RNF103: variants seen among roughly 807,000 people sequenced by gnomAD.
RNF103 encodes E3 ubiquitin-protein ligase RNF103.
RNF103 carries 23 observed loss-of-function variants against 66.2 expected under a neutral mutation model. That is an observed-to-expected ratio of 0.35 (90% CI 0.25 to 0.49). The LOEUF is 0.49. Among genes scored for constraint, RNF103 ranks in the 20% least tolerant of loss-of-function variants. The probability of loss-of-function intolerance (pLI) is 0.98; values close to 1 mark genes in which losing one functional copy is unlikely to be tolerated. For missense variants in RNF103, 730 were observed against 814.7 expected (o/e 0.90, Z 1.27); for synonymous variants, 297 against 289.9 (o/e 1.02, Z -0.25).
Position 86,605,081 on chromosome 2 carries a change from T to C in RNF103, c.820A>G (p.Lys274Glu). The C allele has an allele frequency of 6.2e-7, 1 of 1,613,912 alleles. No homozygotes were observed. The highest frequency in any genetic ancestry group is 8.5e-7 in the Non-Finnish European group (1 of 1,179,958). ...IFVNVENWDNKSYMTDIGIYN... is the reference protein window; with the variant it reads ...IFVNVENWDNESYMTDIGIYN... ...ATGCCAATATCTGTCATATAACTCT[T>C]GTTGTCCCAATTTTCTACATTAACA... The change falls in exon 4 of 4, where the codon AAG becomes GAG. Residue 274 changes from lysine to glutamate, a missense_variant. This residue lies in a region of RNF103 where 327 missense variants were observed against 369.8 expected (regional missense o/e 0.88). Coordinates refer to ENST00000237455, the MANE Select transcript of RNF103 (RefSeq NM_005667.4).
chr2:86,623,774 C>G lies in RNF103; in HGVS notation c.-888G>C. Reference sequence around the variant, plus strand: ...GATGGGCAGTGCCGGTCGCAGCACCCGTCCCCAACACCCCCGCCACCTCCG... The same window carrying G: ...GATGGGCAGTGCCGGTCGCAGCACCGGTCCCCAACACCCCCGCCACCTCCG... On this transcript the variant is annotated 5_prime_UTR_variant, in exon 1 of 4. Transcript: ENST00000237455. 7.8e-7 allele frequency: 1 copy of G among 1,282,932 alleles called. No homozygotes were observed. The highest frequency in any genetic ancestry group is 1.0e-6 in the Non-Finnish European group (1 of 986,424). 79.5% of individuals were successfully genotyped at this position (1,282,932 alleles called of 1,614,324 possible). A position where few individuals can be genotyped will look rare whatever the true frequency, so the allele number is the denominator to read the frequency against.
intron 2 of RNF103, among the ~76,000 whole-genome samples, chr2:86,619,115 T>A (rs550457604): frequency 7.2e-4 from 109 of 152,292 alleles, no homozygotes; most frequent in African/African-American, 2.5e-3. Context: ...TACCATTTTA[T>A]CCTTTTTAGA....
At chr2:86,607,545 T>C (rs1391455504) in intron 3 of RNF103, among the ~76,000 whole-genome samples, 1 of 152,244 alleles carries the variant, frequency 6.6e-6, no homozygotes, top group African/African-American at 2.4e-5. Context: ...ATTCCATTAA[T>C]ATCATTACTG....
intron 1 of RNF103, among the ~76,000 whole-genome samples, chr2:86,621,596 C>T (rs1679229989): frequency 6.6e-6 from 1 of 152,148 alleles, no homozygotes; most frequent in Admixed American, 6.5e-5. Flanking sequence ...AGTTTTATAA[C>T]CCGCAACCTA....
chr2:86,617,387 A>G, intron 2 of RNF103: 1 of 726,580 alleles, frequency 1.4e-6, no homozygotes, highest in Non-Finnish European at 1.7e-6. Context: ...AATACTACAT[A>G]CAATTAGATA....
At chr2:86,622,497 G>A (rs1356786088) in intron 1 of RNF103, among the ~76,000 whole-genome samples, 164 bp downstream of exon 1, 2 of 152,178 alleles carry the variant, frequency 1.3e-5, no homozygotes, top group Non-Finnish European at 2.9e-5. Context: ...CCTCCTCAAA[G>A]CTGGGATCCG....
In RNF103 at chr2:86,612,241, T is replaced by G; in HGVS notation, c.400A>C (p.Lys134Gln). The G allele has an allele frequency of 6.2e-7, 1 of 1,613,704 alleles. No homozygotes were observed. Among genetic ancestry groups the G allele is most frequent in the South Asian group, 1.1e-5 (1 of 90,962 alleles). The change falls in exon 3 of 4, where the codon AAA (lysine) becomes CAA (glutamine). Residue 134 changes from lysine to glutamine, a missense_variant. Lys to Gln is a moderately conservative substitution (Grantham distance 53). Coordinates refer to ENST00000237455, the MANE Select transcript of RNF103 (RefSeq NM_005667.4). ...TTAACCATTTTCTCCCAGTGAATTT[T>G]GCCCACCAAGGGACTTCTGTCATTT... ...IANDRSPLVGKIHWEKMVKKV... is the reference protein window; with the variant it reads ...IANDRSPLVGQIHWEKMVKKV...
chr2:86,609,202 C>G (rs1678688353), intron 3 of RNF103, among the ~76,000 whole-genome samples: 1 of 152,076 alleles, frequency 6.6e-6, no homozygotes, highest in South Asian at 2.1e-4. Context: ...CGAGAGTGGG[C>G]TGACATAAAG....
intron 1 of RNF103, among the ~76,000 whole-genome samples, chr2:86,622,062 T>C (rs868838262): frequency 1.3e-5 from 2 of 152,130 alleles, no homozygotes; most frequent in South Asian, 2.1e-4. Context: ...AGAAATATAA[T>C]ATAAACTCGA....
Position 86,604,572 on chromosome 2 carries a change from G to A in RNF103, c.1329C>T (p.Asn443=). 1.2e-6 allele frequency: 2 copies of A among 1,614,144 alleles called. No individual in the cohort carries two copies. The highest frequency in any genetic ancestry group is 1.7e-6 in the Non-Finnish European group (2 of 1,180,028). ...YFEKKRRRNN[N]NDEVNANNLE... is the part of the protein sequence containing the mutation. Reference sequence around the variant, plus strand: ...AGTTATTGGCATTGACTTCATCATTGTTGTTGTTGCGCCTTCTCTTCTTCT... The same window carrying A: ...AGTTATTGGCATTGACTTCATCATTATTGTTGTTGCGCCTTCTCTTCTTCT... The change falls in exon 4 of 4, where the codon AAC becomes AAT. Residue 443 remains asparagine (N), a synonymous_variant. Transcript: ENST00000237455.
At chr2:86,615,120 ATAG>A (rs1018835782) in intron 2 of RNF103, 1 of 985,294 alleles carries the variant, frequency 1.0e-6, no homozygotes, top group African/African-American at 1.7e-5. Flanking sequence ...TATAGCAGAG[ATAG>A]TAGAAGTGAG....
rs1678828306 is a variant in RNF103 at position 86,612,292 on chromosome 2, G to A, written c.367-18C>T. 2 of 1,503,956 alleles carry A rather than the reference G, an allele frequency of 1.3e-6. No individual in the cohort carries two copies. The highest frequency in any genetic ancestry group is 1.8e-6 in the Non-Finnish European group (2 of 1,095,432). 93.2% of individuals were successfully genotyped at this position (1,503,956 alleles called of 1,614,324 possible). A position where few individuals can be genotyped will look rare whatever the true frequency, so the allele number is the denominator to read the frequency against. ...GCTATGACCTATTCCCAAAAATAGAGAAAAAGAAACTTGAATTACCTAAAA... is the reference window on the plus strand; with the variant it reads ...GCTATGACCTATTCCCAAAAATAGAAAAAAAGAAACTTGAATTACCTAAAA... On this transcript the variant is annotated intron_variant, in intron 2 of 3. Coordinates refer to ENST00000237455, the MANE Select transcript of RNF103 (RefSeq NM_005667.4).
intron 3 of RNF103, 37 bp downstream of exon 3, chr2:86,612,122 C>G (rs1308601398): frequency 1.0e-5 from 14 of 1,354,416 alleles, no homozygotes; most frequent in Non-Finnish European, 1.5e-5. Flanking sequence ...AGATCCTGGT[C>G]AGGACTCAAA....
At chr2:86,617,352 T>A in intron 2 of RNF103, 1 of 975,346 alleles carries the variant, frequency 1.0e-6, no homozygotes. Flanking sequence ...TCAGTTTCAC[T>A]TTCTGCAGTC....
Position 86,623,855 on chromosome 2 carries a change from C to G in RNF103, c.-969G>C, listed in dbSNP as rs3810829. 5 of 1,287,692 alleles carry G rather than the reference C, an allele frequency of 3.9e-6. No individual in the cohort carries two copies. Among genetic ancestry groups the G allele is most frequent in the African/African-American group, 3.1e-5 (2 of 65,482 alleles). 79.8% of individuals were successfully genotyped at this position (1,287,692 alleles called of 1,614,324 possible). A position where few individuals can be genotyped will look rare whatever the true frequency, so the allele number is the denominator to read the frequency against. On this transcript the variant is annotated 5_prime_UTR_variant, in exon 1 of 4. Coordinates refer to ENST00000237455, the MANE Select transcript of RNF103 (RefSeq NM_005667.4). ...TATCAGCGGCGGCCGCGGCCGGAGC[C>G]GAGACATAACAACTGACGTCGCGAT... is the stretch of plus-strand genomic sequence containing the variant.
intron 3 of RNF103, among the ~76,000 whole-genome samples, chr2:86,611,727 G>A (rs1179407762): frequency 6.6e-6 from 1 of 152,128 alleles, no homozygotes; most frequent in Non-Finnish European, 1.5e-5. Flanking sequence ...AATATATCTA[G>A]GGATAGTTGC....
At position 86,605,083 on chromosome 2, in the gene RNF103, T is replaced by C. The variant is rs1356223081; in HGVS notation, c.818A>G (p.Asn273Ser). The C allele has an allele frequency of 6.2e-7, 1 of 1,613,958 alleles. No individual in the cohort carries two copies. The highest frequency in any genetic ancestry group is 2.2e-5 in the East Asian group (1 of 44,876). The change falls in exon 4 of 4, where the codon AAC becomes AGC. Residue 273 changes from asparagine (N) to serine (S), a missense_variant. By Grantham distance (46) the Asn-to-Ser change is conservative. Transcript: ENST00000237455. ...FIFVNVENWD[N>S]KSYMTDIGIY... is the part of the protein sequence containing the mutation. The stretch of plus-strand genomic sequence containing the variant: ...GCCAATATCTGTCATATAACTCTTG[T>C]TGTCCCAATTTTCTACATTAACAAA...
In RNF103 at chr2:86,623,157, A is replaced by C; in HGVS notation, c.-271T>G. The C allele has an allele frequency of 8.9e-7, 1 of 1,126,812 alleles. No homozygotes were observed. The highest frequency in any genetic ancestry group is 1.1e-6 in the Non-Finnish European group (1 of 922,822). The allele number at this position is 1,126,812 out of a possible 1,614,324, so 69.8% of individuals were successfully genotyped here. On this transcript the variant is annotated 5_prime_UTR_variant, in exon 1 of 4. Transcript: ENST00000237455. ...ACAAAAATAAAGGGGAAAAACTCAAAACCCCCATCCATTAAGCACAGAAAG... is the reference window on the plus strand; with the variant it reads ...ACAAAAATAAAGGGGAAAAACTCAACACCCCCATCCATTAAGCACAGAAAG...
At chr2:86,608,450 G>C (rs904795499) in intron 3 of RNF103, among the ~76,000 whole-genome samples, 1 of 127,364 alleles carries the variant, frequency 7.9e-6, no homozygotes, top group African/African-American at 3.0e-5. Flanking sequence ...TCGTGCCACT[G>C]TACTCCAGCC....
Sources: allele counts gnomAD v4.1 joint callset (sites outside exome capture counted in the v4.1 genomes callset), GRCh38; gene constraint gnomAD v4.1.1; regional missense constraint gnomAD v4.1.1; transcripts MANE v1.5; gene names NCBI Gene and HGNC (gene_info 2026-07-23, HGNC 2026-07-21).